The following MTDH variants were observed in gnomAD, a reference collection of about 807,000 sequenced individuals.
The protein encoded by MTDH is metadherin, also known as protein LYRIC.
In MTDH, 34 loss-of-function variants were observed where a neutral mutation model predicts 72.7. The observed-to-expected ratio is 0.47, with a 90% confidence interval of 0.36 to 0.62. The LOEUF is 0.62. MTDH is among the 20% of genes least tolerant of loss of function. MTDH has a pLI of 0.00. For synonymous variants in MTDH, 266 were observed against 268.9 expected (o/e 0.99, Z 0.10); for missense variants, 677 against 699.4 (o/e 0.97, Z 0.36).
intron 7 of MTDH, among the ~76,000 whole-genome samples, 200 bp downstream of exon 7, chr8:97,700,052 C>T (rs1814041682): frequency 2.0e-5 from 3 of 152,034 alleles, no homozygotes; most frequent in Admixed American, 1.3e-4. Context: ...GTAATTGAGG[C>T]AATATTTAAA....
intron 1 of MTDH, among the ~76,000 whole-genome samples, chr8:97,658,116 T>C (rs893481009): frequency 6.6e-6 from 1 of 152,128 alleles, no homozygotes; most frequent in Non-Finnish European, 1.5e-5. Flanking sequence ...TATTGTTTCA[T>C]GGCATCAGGC....
chr8:97,644,352 G>A lies in MTDH; in HGVS notation c.-155G>A. On this transcript the variant is annotated 5_prime_UTR_variant, in exon 1 of 12. In the 5' UTR this introduces an upstream ATG that the reference lacks. Coordinates refer to ENST00000336273, the MANE Select transcript of MTDH (RefSeq NM_178812.4). ...GGGAGACCCCTCCGCCCTCCCCGCGGTGGCAGCGGCCGATCCCCGGCTCCG... is the reference window on the plus strand; with the variant it reads ...GGGAGACCCCTCCGCCCTCCCCGCGATGGCAGCGGCCGATCCCCGGCTCCG... The A allele has an allele frequency of 9.7e-7, 1 of 1,030,794 alleles. No homozygotes were observed. The allele number at this position is 1,030,794 out of a possible 1,614,324, so 63.9% of individuals were successfully genotyped here. A position where few individuals can be genotyped will look rare whatever the true frequency, so the allele number is the denominator to read the frequency against.
chr8:97,674,493 T>G (rs1563536347), intron 2 of MTDH, among the ~76,000 whole-genome samples: 1 of 152,170 alleles, frequency 6.6e-6, no homozygotes, highest in South Asian at 2.1e-4. Flanking sequence ...GCTTTCCCAT[T>G]TAACCATGCC....
chr8:97,718,664 T>C (rs1296193097), intron 9 of MTDH, among the ~76,000 whole-genome samples: 1 of 151,424 alleles, frequency 6.6e-6, no homozygotes, highest in African/African-American at 2.4e-5. Flanking sequence ...ATTAAAGGCA[T>C]GCACCACCAT....
intron 10 of MTDH, among the ~76,000 whole-genome samples, chr8:97,722,625 T>C (rs1464400837): frequency 2.0e-5 from 3 of 152,232 alleles, no homozygotes; most frequent in Non-Finnish European, 2.9e-5. Flanking sequence ...TGAAAAATTA[T>C]TCATTTCTAT....
intron 1 of MTDH, among the ~76,000 whole-genome samples, chr8:97,655,324 G>A (rs1296739749): frequency 6.6e-6 from 1 of 152,134 alleles, no homozygotes; most frequent in South Asian, 2.1e-4. Context: ...TTGTTTCAAG[G>A]TGTTAAGAGT....
intron 7 of MTDH, among the ~76,000 whole-genome samples, chr8:97,700,873 C>T (rs2131034433): frequency 6.6e-6 from 1 of 152,208 alleles, no homozygotes; most frequent in African/African-American, 2.4e-5. Flanking sequence ...TGATAGTAAT[C>T]ATCAAGGTAA....
At chr8:97,701,598 A>T (rs1436568868) in intron 7 of MTDH, among the ~76,000 whole-genome samples, 1 of 152,158 alleles carries the variant, frequency 6.6e-6, no homozygotes, top group Non-Finnish European at 1.5e-5. Context: ...AATAAACAGT[A>T]TATTTGTGCT....
intron 1 of MTDH, among the ~76,000 whole-genome samples, chr8:97,646,591 A>G (rs957825884): frequency 2.6e-5 from 4 of 152,234 alleles, no homozygotes; most frequent in Admixed American, 6.5e-5. Flanking sequence ...TGAGAGAGAC[A>G]GGTTCTCCAA....
chr8:97,662,791 A>AAAAAG (rs1270579771), intron 2 of MTDH, among the ~76,000 whole-genome samples: 2 of 151,128 alleles, frequency 1.3e-5, no homozygotes, highest in South Asian at 4.2e-4. Flanking sequence ...GTCAAAAAAA[A>AAAAAG]AAAGAAAGAA....
chr8:97,668,928 T>C (rs1812496790), intron 2 of MTDH, among the ~76,000 whole-genome samples: 2 of 152,074 alleles, frequency 1.3e-5, no homozygotes. Context: ...CCTAAAACCC[T>C]TCATGCCTTC....
chr8:97,672,216 T>C (rs117510320), intron 2 of MTDH, among the ~76,000 whole-genome samples: 2,741 of 152,322 alleles, frequency 0.018, 42 homozygotes, highest in African/African-American at 0.036. Flanking sequence ...AGTTTTTTAC[T>C]ATAGCAGTGG....
chr8:97,712,225 A>G (rs1013314727), intron 8 of MTDH, among the ~76,000 whole-genome samples: 3 of 152,106 alleles, frequency 2.0e-5, no homozygotes, highest in Non-Finnish European at 4.4e-5. Context: ...TTTAGTAGAG[A>G]TGGGGTTTCA....
At position 97,730,232 on chromosome 8, in the gene MTDH, TAATAA is replaced by T. The variant is rs1815504935; in HGVS notation, c.*5566_*5570del. 1.3e-5 allele frequency among the ~76,000 whole-genome samples: 2 copies of T among 152,156 alleles called. No individual in the cohort carries two copies. The highest frequency in any genetic ancestry group is 2.9e-5 in the Non-Finnish European group (2 of 68,014). The stretch of plus-strand genomic sequence containing the variant: ...AACATGTACCTAAGTTTTAAAAGCA[TAATAA>T]AATGAACACATCTGAAACCACCATT... On this transcript the variant is annotated 3_prime_UTR_variant, in exon 12 of 12. Coordinates refer to ENST00000336273, the MANE Select transcript of MTDH (RefSeq NM_178812.4).
At chr8:97,704,468 C>G (rs1434051329) in intron 7 of MTDH, among the ~76,000 whole-genome samples, 1 of 152,060 alleles carries the variant, frequency 6.6e-6, no homozygotes, top group Non-Finnish European at 1.5e-5. Flanking sequence ...ATTAGCCAGG[C>G]ATGGTGGCAC....
chr8:97,645,026 G>A, intron 1 of MTDH, 139 bp downstream of exon 1: 3 of 983,432 alleles, frequency 3.1e-6, no homozygotes, highest in Non-Finnish European at 4.3e-6. Flanking sequence ...CCAAGTGGAG[G>A]AGGAGGTGAT....
intron 3 of MTDH, 80 bp from the exon 4 acceptor site, chr8:97,687,349 C>A: frequency 8.4e-7 from 1 of 1,183,584 alleles, no homozygotes; most frequent in Non-Finnish European, 1.2e-6. Flanking sequence ...TTATGTGCTC[C>A]ACCCCATATT....
At chr8:97,661,534 T>A (rs2130933789) in intron 2 of MTDH, among the ~76,000 whole-genome samples, 1 of 152,348 alleles carries the variant, frequency 6.6e-6, no homozygotes, top group Non-Finnish European at 1.5e-5. Context: ...GTAAGACACA[T>A]CTAGCATGAA....
chr8:97,673,753 T>G (rs1299277128), intron 2 of MTDH, among the ~76,000 whole-genome samples: 1 of 151,880 alleles, frequency 6.6e-6, no homozygotes, highest in African/African-American at 2.4e-5. Flanking sequence ...GGCGGGCAGA[T>G]AGCTTGAGCT....
Sources: allele counts gnomAD v4.1 joint callset (sites outside exome capture counted in the v4.1 genomes callset), GRCh38; gene constraint gnomAD v4.1.1; transcripts MANE v1.5; gene names NCBI Gene and HGNC (gene_info 2026-07-23, HGNC 2026-07-21).